Variants in HSPA14 observed in about 807,000 individuals in gnomAD.
The protein encoded by HSPA14 is heat shock 70 kDa protein 14.
In HSPA14, 37 loss-of-function variants were observed where a neutral mutation model predicts 65.5. The ratio of observed to expected loss-of-function variants is 0.56; its 90% CI spans 0.43 to 0.74. The LOEUF (loss-of-function observed/expected upper bound fraction) is 0.74. Ranked by LOEUF, HSPA14 falls within the 30% of genes least tolerant of loss-of-function variation. The pLI is 0.00. For missense variants in HSPA14, 564 were observed against 607.6 expected (o/e 0.93, Z 0.75); for synonymous variants, 203 against 214.2 (o/e 0.95, Z 0.46).
intron 12 of HSPA14, 146 bp from the exon 13 acceptor site, chr10:14,870,451 T>G: frequency 1.2e-6 from 1 of 803,136 alleles, no homozygotes; most frequent in South Asian, 1.9e-5. Context: ...TGAATTCTGA[T>G]TCAGTGGTAG....
In HSPA14 at chr10:14,848,882, T is replaced by G. The variant is rs34106206; in HGVS notation, c.363T>G (p.Phe121Leu). 6.5e-7 allele frequency: 1 copy of G among 1,534,224 alleles called. No homozygotes were observed. The highest frequency in any genetic ancestry group is 9.0e-7 in the Non-Finnish European group (1 of 1,113,054). The stretch of plus-strand genomic sequence containing the variant: ...CAGAAGATGTTGCCAGACTGATATT[T>G]AGTAAAATGAAAGGTATTTAGCAAA... ...VNPEDVARLI[F>L]SKMKETAHSV... The change falls in exon 5 of 14, where the codon TTT becomes TTG. Residue 121 changes from phenylalanine (F) to leucine (L), a missense_variant. Coordinates refer to ENST00000378372, the MANE Select transcript of HSPA14 (RefSeq NM_016299.4).
chr10:14,850,965 T>C (rs547320404), intron 6 of HSPA14: 1 of 285,780 alleles, frequency 3.5e-6, no homozygotes, highest in South Asian at 7.9e-5. Flanking sequence ...TTTATTTCTC[T>C]TATTCAGTAC....
Position 14,838,344 on chromosome 10 carries a change from C to G in HSPA14, c.-59C>G. 6.6e-7 allele frequency: 1 copy of G among 1,519,330 alleles called. No homozygotes were observed. The highest frequency in any genetic ancestry group is 8.9e-7 in the Non-Finnish European group (1 of 1,121,848). 94.1% of individuals were successfully genotyped at this position (1,519,330 alleles called of 1,614,324 possible). ...GTGCCTGATGGGGCCGTTGGGCGGC[C>G]GGTAGCTGTTGCTGTTGGGGGACCC... On this transcript the variant is annotated 5_prime_UTR_variant, in exon 1 of 14. Transcript: ENST00000378372.
chr10:14,852,696 G>A (rs563043288), intron 8 of HSPA14, among the ~76,000 whole-genome samples, 165 bp downstream of exon 8: 1 of 152,276 alleles, frequency 6.6e-6, no homozygotes, highest in East Asian at 1.9e-4. Flanking sequence ...GTCCTGTCCA[G>A]GCAATTCAAA....
intron 3 of HSPA14, chr10:14,846,318 A>C (rs1834052416): frequency 2.0e-6 from 2 of 985,336 alleles, no homozygotes; most frequent in African/African-American, 1.7e-5. Flanking sequence ...ATGGTAGCAA[A>C]GTGCATAAGA....
At chr10:14,853,500 T>C (rs1257276764) in intron 8 of HSPA14, among the ~76,000 whole-genome samples, 1 of 152,204 alleles carries the variant, frequency 6.6e-6, no homozygotes, top group Non-Finnish European at 1.5e-5. Flanking sequence ...AAAAGGGTGA[T>C]ATCTACTCTA....
In HSPA14 at chr10:14,849,737, A is replaced by G. The variant is rs1434515221; in HGVS notation, c.393A>G (p.Val131=). The part of the protein sequence containing the change: ...FSKMKETAHS[V]LGSDANDVVI... Reference sequence around the variant, plus strand: ...AATATGCAGAAACGGCACATTCTGTATTGGGCTCAGATGCAAATGATGTAG... The same window carrying G: ...AATATGCAGAAACGGCACATTCTGTGTTGGGCTCAGATGCAAATGATGTAG... The change falls in exon 6 of 14, where the codon GTA becomes GTG. Residue 131 remains valine (V), a synonymous_variant. Coordinates refer to ENST00000378372, the MANE Select transcript of HSPA14 (RefSeq NM_016299.4). 9 of 1,608,882 alleles carry G rather than the reference A, an allele frequency of 5.6e-6. No homozygotes were observed. The highest frequency in any genetic ancestry group is 7.6e-6 in the Non-Finnish European group (9 of 1,178,336).
At position 14,870,686 on chromosome 10, in the gene HSPA14, G is replaced by A. The variant is rs766655127; in HGVS notation, c.1451+19G>A. ...TGAAAAGGTAAAAAATTAAACTTCT[G>A]TTGTTAAGAAAATTCAATTTGATAC... On this transcript the variant is annotated intron_variant, in intron 13 of 13. Coordinates refer to ENST00000378372, the MANE Select transcript of HSPA14 (RefSeq NM_016299.4). 22 of 1,527,774 alleles carry A rather than the reference G, an allele frequency of 1.4e-5. No individual in the cohort carries two copies. In the South Asian group the frequency reaches 2.7e-4, roughly 19 times the overall value. 94.6% of individuals were successfully genotyped at this position (1,527,774 alleles called of 1,614,324 possible).
intron 6 of HSPA14, 147 bp from the exon 7 acceptor site, chr10:14,851,072 A>G (rs535901520): frequency 3.4e-6 from 2 of 582,970 alleles, no homozygotes; most frequent in Non-Finnish European, 6.1e-6. Flanking sequence ...CTTGTTTTCT[A>G]TATTCTTGCT....
In HSPA14 at chr10:14,853,077, G is replaced by A. The variant is rs367644269; in HGVS notation, c.734+546G>A. On this transcript the variant is annotated intron_variant, in intron 8 of 13. Transcript: ENST00000378372. ...ATGTAAAGGTTATACTTTGGGTACT[G>A]CTGCTCTAAAAAAAAAAAAAAGTGT... Among the ~76,000 whole-genome samples, 422 of 150,534 alleles carry A rather than the reference G, an allele frequency of 2.8e-3. 2 individuals are homozygous for A. Among genetic ancestry groups the A allele is most frequent in the African/African-American group, 9.8e-3 (401 of 40,864 alleles).
At chr10:14,845,098 C>T (rs1834032230) in intron 3 of HSPA14, 3 of 985,366 alleles carry the variant, frequency 3.0e-6, no homozygotes, top group Non-Finnish European at 2.4e-6. Flanking sequence ...AAGCACTAGC[C>T]GTGAACAGAT....
At chr10:14,867,599 G>C (rs903093530) in intron 11 of HSPA14, 137 bp from the exon 12 acceptor site, 1 of 741,820 alleles carries the variant, frequency 1.3e-6, no homozygotes, top group African/African-American at 1.8e-5. Flanking sequence ...GTAGGATTAA[G>C]GATTATTTCT....
At chr10:14,862,410 T>C (rs1832758606) in intron 10 of HSPA14, among the ~76,000 whole-genome samples, 1 of 149,850 alleles carries the variant, frequency 6.7e-6, no homozygotes, top group African/African-American at 2.5e-5. Context: ...AGTGTCGTTC[T>C]GTCGCCCAGG....
At chr10:14,868,815 A>G (rs1032877351) in intron 12 of HSPA14, among the ~76,000 whole-genome samples, 5 of 152,308 alleles carry the variant, frequency 3.3e-5, no homozygotes, top group African/African-American at 1.2e-4. Context: ...TAAAAATTAA[A>G]TATCGGTAAC....
Position 14,852,467 on chromosome 10 carries a change from G to A in HSPA14, c.670G>A (p.Asp224Asn). The A allele has an allele frequency of 6.2e-7, 1 of 1,613,998 alleles. No homozygotes were observed. The highest frequency in any genetic ancestry group is 1.7e-5 in the Admixed American group (1 of 60,020). ...IYRVLSTNTD[D>N]NIGGAHFTET... ...TCGGGTTCTTTCAACAAACACTGAT[G>A]ATAACATCGGTGGTGCACATTTCAC... is the stretch of plus-strand genomic sequence containing the variant. The change falls in exon 8 of 14, where the codon GAT becomes AAT. Residue 224 changes from aspartate to asparagine, a missense_variant. Physicochemically the swap from Asp to Asn is conservative, Grantham distance 23. Transcript: ENST00000378372.
chr10:14,839,915 C>T lies in HSPA14; in HGVS notation c.68C>T (p.Ala23Val). 1 of 1,612,586 alleles carries T rather than the reference C, an allele frequency of 6.2e-7. No individual in the cohort carries two copies. The highest frequency in any genetic ancestry group is 8.5e-7 in the Non-Finnish European group (1 of 1,179,156). Residue 23 changes from alanine to valine, a missense_variant, in exon 2 of 14, where the codon GCT becomes GTT. Coordinates refer to ENST00000378372, the MANE Select transcript of HSPA14 (RefSeq NM_016299.4). ...ACVAVYKDGR[A>V]GVVANDAGDR... Reference sequence around the variant, plus strand: ...TGTTTTTTTCTCTAGGATGGCCGGGCTGGTGTGGTTGCAAATGATGCCGGT... The same window carrying T: ...TGTTTTTTTCTCTAGGATGGCCGGGTTGGTGTGGTTGCAAATGATGCCGGT...
chr10:14,854,406 C>T (rs552786088), intron 9 of HSPA14, 126 bp downstream of exon 9: 1 of 730,034 alleles, frequency 1.4e-6, no homozygotes, highest in African/African-American at 1.8e-5. Context: ...AATGTCTTCA[C>T]TTTATTGGGG....
intron 12 of HSPA14, among the ~76,000 whole-genome samples, chr10:14,869,780 A>G (rs1832838927): frequency 6.6e-6 from 1 of 152,188 alleles, no homozygotes; most frequent in African/African-American, 2.4e-5. Context: ...CTCAGATGGC[A>G]GTCCTAGTAT....
chr10:14,867,102 C>G lies in HSPA14; in HGVS notation c.1013C>G (p.Ser338Cys). ...CTCTAGGTTGTCCTTTGTGGAGGGT[C>G]TTCTCGAATCCCAAAGCTACAGCAA... ...DINKVVLCGG[S>C]SRIPKLQQLI... Residue 338 changes from serine to cysteine, a missense_variant, in exon 11 of 14, where the codon TCT becomes TGT. Ser to Cys is a moderately radical substitution (Grantham distance 112). Coordinates refer to ENST00000378372, the MANE Select transcript of HSPA14 (RefSeq NM_016299.4). The G allele has an allele frequency of 6.2e-7, 1 of 1,613,082 alleles. No individual in the cohort carries two copies. Among genetic ancestry groups the G allele is most frequent in the African/African-American group, 1.3e-5 (1 of 75,008 alleles).
Sources: gnomAD v4.1 joint callset for allele counts (sites outside exome capture counted in the v4.1 genomes callset) on GRCh38, gnomAD v4.1.1 for gene constraint, MANE v1.5 for transcripts, NCBI Gene and HGNC (gene_info 2026-07-23, HGNC 2026-07-21) for gene names.